The following TOX4 variants were observed in gnomAD, a reference collection of about 807,000 sequenced individuals.
TOX4 encodes TOX high mobility group box family member 4.
In TOX4, 12 loss-of-function variants were observed where a neutral mutation model predicts 61.0. The ratio of observed to expected loss-of-function variants is 0.20; its 90% CI spans 0.13 to 0.32. The LOEUF (loss-of-function observed/expected upper bound fraction) is 0.32, where lower values mean the gene tolerates loss of function less well. Ranked by LOEUF, TOX4 falls within the 10% of genes least tolerant of loss-of-function variation. The probability of loss-of-function intolerance (pLI) is 1.00; values close to 1 mark genes in which losing one functional copy is unlikely to be tolerated. For synonymous variants in TOX4, 268 were observed against 274.8 expected (o/e 0.98, Z 0.24); for missense variants, 499 against 753.3 (o/e 0.66, Z 3.95).
chr14:21,489,279 C>T lies in TOX4; in HGVS notation c.686C>T (p.Ala229Val). 6.2e-7 allele frequency: 1 copy of T among 1,614,146 alleles called. No individual in the cohort carries two copies. ...AATGAACCTCAGAAACCAGTTTCAG[C>T]ATATGCTTTATTCTTTCGTGATACA... is the stretch of plus-strand genomic sequence containing the variant. ...DPNEPQKPVS[A>V]YALFFRDTQA... Residue 229 changes from alanine (A) to valine (V), a missense_variant, in exon 5 of 9, where the codon GCA becomes GTA. Transcript: ENST00000448790.
At chr14:21,494,682 A>G (rs1891362526) in intron 7 of TOX4, among the ~76,000 whole-genome samples, 1 of 151,548 alleles carries the variant, frequency 6.6e-6, no homozygotes, top group Admixed American at 6.6e-5. Context: ...CCCAGGAGGC[A>G]GAGCTTGCAG....
In TOX4 at chr14:21,498,505, G is replaced by T; in HGVS notation, c.*1899G>T. 1.3e-6 allele frequency: 1 copy of T among 772,766 alleles called. No homozygotes were observed. The highest frequency in any genetic ancestry group is 2.1e-6 in the Non-Finnish European group (1 of 477,644). 47.9% of individuals were successfully genotyped at this position (772,766 alleles called of 1,614,324 possible). On this transcript the variant is annotated 3_prime_UTR_variant, in exon 9 of 9. Coordinates refer to ENST00000448790, the MANE Select transcript of TOX4 (RefSeq NM_014828.4). Reference sequence around the variant, plus strand: ...CAATTCTAAAAAGAGCTTAACATTAGAATAGTATATGGTAGAATTACTAGT... The same window carrying T: ...CAATTCTAAAAAGAGCTTAACATTATAATAGTATATGGTAGAATTACTAGT...
intron 2 of TOX4, 85 bp downstream of exon 2, chr14:21,477,649 G>A (rs1263375016): frequency 3.5e-5 from 52 of 1,491,056 alleles, no homozygotes; most frequent in Non-Finnish European, 4.4e-5. Context: ...CGGACTCCGG[G>A]GACGGGGGCT....
At chr14:21,491,458 C>T in intron 5 of TOX4, among the ~76,000 whole-genome samples, 1 of 152,038 alleles carries the variant, frequency 6.6e-6, no homozygotes, top group East Asian at 2.0e-4. Context: ...CTCCCAGGTT[C>T]ACGCCATTCT....
At position 21,498,572 on chromosome 14, in the gene TOX4, T is replaced by TAATAA. The variant is rs1891470329; in HGVS notation, c.*1966_*1967insAATAA. The TAATAA allele has an allele frequency of 1.7e-6, 1 of 595,116 alleles. No homozygotes were observed. Among genetic ancestry groups the TAATAA allele is most frequent in the East Asian group, 2.8e-5 (1 of 35,358 alleles). The allele number at this position is 595,116 out of a possible 1,614,324, so 36.9% of individuals were successfully genotyped here. ...TTCTGGTGTTAAAATAGACTGGATC[T>TAATAA]GTATTATCTGAGGGTTAGTAACTAA... On this transcript the variant is annotated 3_prime_UTR_variant, in exon 9 of 9. Coordinates refer to ENST00000448790, the MANE Select transcript of TOX4 (RefSeq NM_014828.4).
In TOX4 at chr14:21,492,679, G is replaced by A. The variant is rs1200228478; in HGVS notation, c.1063G>A (p.Ala355Thr). The A allele has an allele frequency of 3.1e-6, 5 of 1,613,924 alleles. No homozygotes were observed. Residue 355 changes from alanine (A) to threonine (T), a missense_variant, in exon 7 of 9, where the codon GCA becomes ACA. Ala to Thr is a moderately conservative substitution (Grantham distance 58, BLOSUM62 0). Transcript: ENST00000448790. Reference protein sequence around the residue: ...STLSSYVANQASSGAGGQPNI... With the variant: ...STLSSYVANQTSSGAGGQPNI... ...CCTTTCATCCTATGTGGCAAACCAG[G>A]CATCTTCTGGAGCTGGGGGTCAGCC...
chr14:21,494,840 A>T (rs567258517), intron 7 of TOX4, among the ~76,000 whole-genome samples: 2 of 151,938 alleles, frequency 1.3e-5, no homozygotes, highest in Non-Finnish European at 2.9e-5. Context: ...AATCGCTTGA[A>T]CCCGGGAGGC....
chr14:21,493,287 A>G (rs1891334259), intron 7 of TOX4, 30 bp downstream of exon 7: 1 of 1,559,312 alleles, frequency 6.4e-7, no homozygotes, highest in Admixed American at 2.1e-5. Flanking sequence ...TCTTTAGTCT[A>G]GTGGAAATGT....
At chr14:21,483,331 T>C (rs1891139072) in intron 2 of TOX4, among the ~76,000 whole-genome samples, 1 of 152,084 alleles carries the variant, frequency 6.6e-6, no homozygotes, top group South Asian at 2.1e-4. Context: ...ACTACTATTT[T>C]ACTATTAGTC....
At chr14:21,487,902 T>C (rs375710879) in intron 3 of TOX4, 19 of 446,486 alleles carry the variant, frequency 4.3e-5, no homozygotes, top group Middle Eastern at 6.4e-4. Flanking sequence ...AATTGTACAA[T>C]GTCTGGTTTG....
chr14:21,484,041 T>C (rs1891154593), intron 2 of TOX4, among the ~76,000 whole-genome samples: 1 of 151,968 alleles, frequency 6.6e-6, no homozygotes, highest in Non-Finnish European at 1.5e-5. Flanking sequence ...TCCCGACTTT[T>C]CAAGTGATCC....
intron 5 of TOX4, among the ~76,000 whole-genome samples, chr14:21,490,499 G>A (rs1394230861): frequency 6.6e-6 from 1 of 152,106 alleles, no homozygotes; most frequent in African/African-American, 2.4e-5. Context: ...AATTGTTACA[G>A]AAGTACTGCA....
At position 21,496,712 on chromosome 14, in the gene TOX4, A is replaced by G; in HGVS notation, c.*106A>G. 1.1e-6 allele frequency: 1 copy of G among 939,652 alleles called. No individual in the cohort carries two copies. The highest frequency in any genetic ancestry group is 1.7e-6 in the Non-Finnish European group (1 of 594,588). 58.2% of individuals were successfully genotyped at this position (939,652 alleles called of 1,614,324 possible). On this transcript the variant is annotated 3_prime_UTR_variant, in exon 9 of 9. Transcript: ENST00000448790. ...TTCTGGTAGTGCCTCATCACAACCC[A>G]TGATGGCTGTTCATGTTTCACCCCT...
Position 21,480,222 on chromosome 14 carries a change from T to G in TOX4, c.75+2658T>G, listed in dbSNP as rs143970056. ...GTAAATTTAAAGTATTAACAAGTAA[T>G]ATTATAATAAAAAAGAAAGAAACTT... is the stretch of plus-strand genomic sequence containing the variant. On this transcript the variant is annotated intron_variant, in intron 2 of 8. Transcript: ENST00000448790. 2.4e-3 allele frequency among the ~76,000 whole-genome samples: 368 copies of G among 152,140 alleles called. 6 individuals are homozygous for G. The highest frequency in any genetic ancestry group is 0.02 in the Admixed American group (303 of 15,282).
rs1041554967 is a variant in TOX4, at chr14:21,497,696, T to C, written c.*1090T>C. 6.6e-6 allele frequency: 1 copy of C among 151,954 alleles called. No homozygotes were observed. The highest frequency in any genetic ancestry group is 2.4e-5 in the African/African-American group (1 of 41,322). 9.4% of individuals were successfully genotyped at this position (151,954 alleles called of 1,614,324 possible). A position where few individuals can be genotyped will look rare whatever the true frequency, so the allele number is the denominator to read the frequency against. ...GCGCCCGCCACTACGCCCAGCTAAT[T>C]TGTGGTATTTTTAGTAGAGACAGGG... is the stretch of plus-strand genomic sequence containing the variant. On this transcript the variant is annotated 3_prime_UTR_variant, in exon 9 of 9. Coordinates refer to ENST00000448790, the MANE Select transcript of TOX4 (RefSeq NM_014828.4).
In TOX4 at chr14:21,495,285, C is replaced by G; in HGVS notation, c.1698C>G (p.Leu566=). 6.2e-7 allele frequency: 1 copy of G among 1,614,178 alleles called. No individual in the cohort carries two copies. The highest frequency in any genetic ancestry group is 2.2e-5 in the East Asian group (1 of 44,882). The change falls in exon 8 of 9, where the codon CTC becomes CTG. Residue 566 remains leucine (L), a synonymous_variant. Coordinates refer to ENST00000448790, the MANE Select transcript of TOX4 (RefSeq NM_014828.4). ...VELVSGSPVA[L]SPQPRCVRSG... ...TGGTGAGTGGGTCTCCTGTGGCACTCTCACCCCAGCCTCGATGTGTGAGGT... is the reference window on the plus strand; with the variant it reads ...TGGTGAGTGGGTCTCCTGTGGCACTGTCACCCCAGCCTCGATGTGTGAGGT...
In TOX4 at chr14:21,496,534, T is replaced by C; in HGVS notation, c.1806-12T>C. Reference sequence around the variant, plus strand: ...GTATAATTCTGTTTGTGTATGTCTTTTTCTCTCTTAGGGATGTATTCTTGG... The same window carrying C: ...GTATAATTCTGTTTGTGTATGTCTTCTTCTCTCTTAGGGATGTATTCTTGG... On this transcript the variant is annotated splice_polypyrimidine_tract_variant and intron_variant, in intron 8 of 8. Transcript: ENST00000448790. 1 of 1,610,694 alleles carries C rather than the reference T, an allele frequency of 6.2e-7. No homozygotes were observed. Among genetic ancestry groups the C allele is most frequent in the Non-Finnish European group, 8.5e-7 (1 of 1,177,308 alleles).
chr14:21,495,090 CCTT>C (rs1407643193), intron 7 of TOX4, 136 bp from the exon 8 acceptor site: 23 of 873,190 alleles, frequency 2.6e-5, no homozygotes, highest in Non-Finnish European at 3.9e-5. Flanking sequence ...CAAGAACTCA[CCTT>C]CTTCTGCAGT....
In TOX4 at chr14:21,490,630, C is replaced by G. The variant is rs1891271184; in HGVS notation, c.810+1227C>G. ...GTAAAGTTGAGACACAATCCAGGTT[C>G]TTTAACTCTTCCCATGTACTTTCCA... On this transcript the variant is annotated intron_variant, in intron 5 of 8. Coordinates refer to ENST00000448790, the MANE Select transcript of TOX4 (RefSeq NM_014828.4). Among the ~76,000 whole-genome samples the G allele has an allele frequency of 1.3e-5, 2 of 152,168 alleles. 1 individual carries two copies. The highest frequency in any genetic ancestry group is 1.3e-4 in the Admixed American group (2 of 15,276).
Sources: allele counts gnomAD v4.1 joint callset (sites outside exome capture counted in the v4.1 genomes callset), GRCh38; gene constraint gnomAD v4.1.1; transcripts MANE v1.5; gene names NCBI Gene and HGNC (gene_info 2026-07-23, HGNC 2026-07-21).